The following RPA1 variants were observed in gnomAD, a reference collection of about 807,000 sequenced individuals.
RPA1 encodes the protein replication protein A 70 kDa DNA-binding subunit.
In RPA1, 49 loss-of-function variants were observed where a neutral mutation model predicts 83.0. The ratio of observed to expected loss-of-function variants is 0.59; its 90% CI spans 0.47 to 0.75. The LOEUF (loss-of-function observed/expected upper bound fraction) is 0.75, where lower values mean the gene tolerates loss of function less well. Ranked by LOEUF, RPA1 falls within the 30% of genes least tolerant of loss-of-function variation. RPA1 has a pLI of 0.00. For synonymous variants in RPA1, 279 were observed against 281.8 expected, an observed-to-expected ratio of 0.99 and a Z score of 0.10; for missense variants, 693 against 776.1, an observed-to-expected ratio of 0.89 and a Z score of 1.27.
intron 13 of RPA1, among the ~76,000 whole-genome samples, chr17:1,888,020 A>G (rs1914059982): frequency 6.6e-6 from 1 of 152,240 alleles, no homozygotes; most frequent in African/African-American, 2.4e-5. Context: ...GGGGTGCCAC[A>G]AGTCTTCAAT....
At chr17:1,830,249 G>A in intron 1 of RPA1, 123 bp downstream of exon 1, 2 of 659,286 alleles carry the variant, frequency 3.0e-6, no homozygotes, top group Non-Finnish European at 4.3e-6. Flanking sequence ...GGAGATGGCG[G>A]GGGGCGGTGG....
rs1913495320 is a variant in RPA1 at position 1,874,066 on chromosome 17, T to G, written c.454+1540T>G. Among the ~76,000 whole-genome samples, 5 of 133,386 alleles carry G rather than the reference T, an allele frequency of 3.7e-5. No homozygotes were observed. In the South Asian group the frequency reaches 1.2e-3, roughly 32 times the overall value. The allele number at this position is 133,386 out of a possible 152,430, so 87.5% of individuals were successfully genotyped here. ...ACACACACACACACACACACACACT[T>G]TTGAAGAGAGTGGTGAAATAGACTC... is the stretch of plus-strand genomic sequence containing the variant. On this transcript the variant is annotated intron_variant, in intron 6 of 16. Transcript: ENST00000254719.
At chr17:1,832,996 G>A (rs1379707757) in intron 1 of RPA1, among the ~76,000 whole-genome samples, 2 of 152,024 alleles carry the variant, frequency 1.3e-5, no homozygotes, top group East Asian at 1.9e-4. Context: ...GCACATTCTC[G>A]GCTCACTGCA....
At chr17:1,867,547 A>C (rs1309751334) in intron 5 of RPA1, among the ~76,000 whole-genome samples, 1 of 151,872 alleles carries the variant, frequency 6.6e-6, no homozygotes, top group East Asian at 1.9e-4. Flanking sequence ...TCTCTACAGA[A>C]AACAAACAAA....
At chr17:1,853,361 A>G (rs1912571925) in intron 5 of RPA1, among the ~76,000 whole-genome samples, 172 bp downstream of exon 5, 2 of 152,202 alleles carry the variant, frequency 1.3e-5, no homozygotes, top group East Asian at 1.9e-4. Flanking sequence ...GAAATGATGT[A>G]TGAAGAAAGG....
intron 6 of RPA1, among the ~76,000 whole-genome samples, chr17:1,875,065 T>A (rs972878892): frequency 1.3e-5 from 2 of 152,174 alleles, no homozygotes; most frequent in African/African-American, 2.4e-5. Flanking sequence ...GGCGGAAGGG[T>A]CTTAGTGGTC....
intron 5 of RPA1, among the ~76,000 whole-genome samples, chr17:1,868,468 A>C (rs1263938310): frequency 6.6e-6 from 1 of 152,130 alleles, no homozygotes; most frequent in East Asian, 1.9e-4. Flanking sequence ...GGAATTCCAA[A>C]ATGTGCGTTG....
At chr17:1,878,820 G>A (rs1913661412) in intron 8 of RPA1, among the ~76,000 whole-genome samples, 173 bp from the exon 9 acceptor site, 1 of 152,148 alleles carries the variant, frequency 6.6e-6, no homozygotes, top group African/African-American at 2.4e-5. Context: ...ACTGTAAAAT[G>A]CGGGTTCCTG....
At position 1,896,271 on chromosome 17, in the gene RPA1, G is replaced by A. The variant is rs571523251; in HGVS notation, c.1747-800G>A. 9.9e-5 allele frequency among the ~76,000 whole-genome samples: 15 copies of A among 152,268 alleles called. No homozygotes were observed. In the East Asian group the frequency reaches 2.3e-3, roughly 24 times the overall value. On this transcript the variant is annotated intron_variant, in intron 16 of 16. Coordinates refer to ENST00000254719, the MANE Select transcript of RPA1 (RefSeq NM_002945.5). ...TACGAGTATCACGGGATTTAGTACCGACCAAGCACACAGCAGTGTGACAGC... is the reference window on the plus strand; with the variant it reads ...TACGAGTATCACGGGATTTAGTACCAACCAAGCACACAGCAGTGTGACAGC...
chr17:1,885,255 C>T (rs1913948906), intron 13 of RPA1, among the ~76,000 whole-genome samples: 1 of 152,176 alleles, frequency 6.6e-6, no homozygotes. Flanking sequence ...GGAGCAGCTC[C>T]TTATCCGTTC....
intron 5 of RPA1, among the ~76,000 whole-genome samples, chr17:1,855,622 G>A (rs1912664684): frequency 6.6e-6 from 1 of 151,946 alleles, no homozygotes; most frequent in Admixed American, 6.6e-5. Flanking sequence ...TTGTTGTATC[G>A]GTATTCACGA....
chr17:1,853,677 T>C (rs749714504), intron 5 of RPA1, among the ~76,000 whole-genome samples: 15 of 152,064 alleles, frequency 9.9e-5, no homozygotes, highest in Non-Finnish European at 1.8e-4. Context: ...AGTGAGACTC[T>C]GTCTCAAAAA....
At chr17:1,844,035 T>G (rs750267989) in intron 3 of RPA1, 37 bp downstream of exon 3, 2 of 1,578,646 alleles carry the variant, frequency 1.3e-6, no homozygotes, top group East Asian at 4.5e-5. Flanking sequence ...TGTGTGAGTA[T>G]TTAAATAGTA....
At chr17:1,849,478 T>G (rs990974378) in intron 4 of RPA1, among the ~76,000 whole-genome samples, 1 of 151,714 alleles carries the variant, frequency 6.6e-6, no homozygotes, top group Non-Finnish European at 1.5e-5. Flanking sequence ...ATTTTTAGTA[T>G]AGACGGGGTT....
intron 1 of RPA1, among the ~76,000 whole-genome samples, chr17:1,836,090 C>T (rs538114371): frequency 1.3e-5 from 2 of 151,810 alleles, no homozygotes; most frequent in East Asian, 1.9e-4. Context: ...ATTTTGCTTA[C>T]GTATAGTAAA....
At chr17:1,874,914 G>A (rs1179797019) in intron 6 of RPA1, among the ~76,000 whole-genome samples, 2 of 152,234 alleles carry the variant, frequency 1.3e-5, no homozygotes, top group Non-Finnish European at 2.9e-5. Flanking sequence ...TTTTGATGTA[G>A]AGGGTATGAA....
chr17:1,852,987 A>ATGGAAATGGAAATAGT, intron 4 of RPA1, 114 bp from the exon 5 acceptor site: 2 of 784,920 alleles, frequency 2.5e-6, no homozygotes, highest in Non-Finnish European at 4.3e-6. Context: ...ATGTAAACAG[A>ATGGAAATGGAAATAGT]TGACAAATGG....
intron 14 of RPA1, among the ~76,000 whole-genome samples, chr17:1,890,439 G>T (rs1914160942): frequency 6.6e-6 from 1 of 152,110 alleles, no homozygotes; most frequent in East Asian, 1.9e-4. Context: ...GAGGCAGGCG[G>T]ATCACGAGGT....
Position 1,893,749 on chromosome 17 carries a change from C to T in RPA1, c.1660-1260C>T, listed in dbSNP as rs1407848491. On this transcript the variant is annotated intron_variant, in intron 15 of 16. Coordinates refer to ENST00000254719, the MANE Select transcript of RPA1 (RefSeq NM_002945.5). ...GGAAAAGGATTGTTTTTAGGCCTTCCCTAGCCTTTGCGCACCTCAACAGTC... is the reference window on the plus strand; with the variant it reads ...GGAAAAGGATTGTTTTTAGGCCTTCTCTAGCCTTTGCGCACCTCAACAGTC... Among the ~76,000 whole-genome samples the T allele has an allele frequency of 3.3e-5, 5 of 151,958 alleles. No individual in the cohort carries two copies. In the East Asian group the frequency reaches 7.7e-4, roughly 23 times the overall value.
Sources: gnomAD v4.1 joint callset for allele counts (sites outside exome capture counted in the v4.1 genomes callset) on GRCh38, gnomAD v4.1.1 for gene constraint, MANE v1.5 for transcripts, NCBI Gene and HGNC (gene_info 2026-07-23, HGNC 2026-07-21) for gene names.